The following MAP4K3 variants were observed in gnomAD, a reference collection of about 807,000 sequenced individuals.
The protein encoded by MAP4K3 is MAPK/ERK kinase kinase kinase 3.
A neutral mutation model predicts 143.5 loss-of-function variants in MAP4K3; 94 were observed. The ratio of observed to expected loss-of-function variants is 0.65; its 90% CI spans 0.55 to 0.78. The LOEUF is 0.78. Ranked by LOEUF, MAP4K3 falls within the 30% of genes least tolerant of loss-of-function variation. The pLI is 0.00. For missense variants in MAP4K3, 1,077 were observed against 1,068.1 expected, an observed-to-expected ratio of 1.01 and a Z score of -0.12; for synonymous variants, 416 against 347.2, an observed-to-expected ratio of 1.20 and a Z score of -2.20.
chr2:39,419,439 C>T (rs1196201498), intron 1 of MAP4K3, among the ~76,000 whole-genome samples: 2 of 152,152 alleles, frequency 1.3e-5, no homozygotes, highest in East Asian at 1.9e-4. Flanking sequence ...ATATTCTCTA[C>T]ATTTTAATTC....
chr2:39,399,178 G>A (rs1666889528), intron 1 of MAP4K3, among the ~76,000 whole-genome samples: 1 of 151,962 alleles, frequency 6.6e-6, no homozygotes, highest in Non-Finnish European at 1.5e-5. Context: ...GAAAACGTAT[G>A]TTGTACTATG....
At chr2:39,371,830 T>A (rs1269384947) in intron 2 of MAP4K3, among the ~76,000 whole-genome samples, 1 of 151,364 alleles carries the variant, frequency 6.6e-6, no homozygotes, top group Non-Finnish European at 1.5e-5. Context: ...TATATGTATA[T>A]ATATACGTAT....
chr2:39,431,613 C>G lies in MAP4K3; in HGVS notation c.96+5279G>C, dbSNP rs192199893. 1.4e-4 allele frequency among the ~76,000 whole-genome samples: 21 copies of G among 152,002 alleles called. 1 individual carries two copies. Among genetic ancestry groups the G allele is most frequent in the Non-Finnish European group, 2.4e-4 (16 of 68,006 alleles). ...ACTTTAAACGAAGAAGCAAGCCAAA[C>G]AGATATTGGTGGGGAGGGGTGGATT... is the stretch of plus-strand genomic sequence containing the variant. On this transcript the variant is annotated intron_variant, in intron 1 of 33. Transcript: ENST00000263881.
chr2:39,261,590 G>C (rs1285161319), intron 28 of MAP4K3, among the ~76,000 whole-genome samples: 1 of 152,154 alleles, frequency 6.6e-6, no homozygotes, highest in Non-Finnish European at 1.5e-5. Flanking sequence ...ATTAATGCTG[G>C]AAGTAGGCAT....
At chr2:39,251,687 T>C (rs1476748425) in intron 33 of MAP4K3, 143 bp downstream of exon 33, 5 of 656,676 alleles carry the variant, frequency 7.6e-6, no homozygotes, top group East Asian at 5.5e-5. Context: ...GCTAACTTTC[T>C]GACCTGTGAA....
chr2:39,338,258 G>A (rs1054956004), intron 4 of MAP4K3, among the ~76,000 whole-genome samples: 1 of 152,082 alleles, frequency 6.6e-6, no homozygotes, highest in Non-Finnish European at 1.5e-5. Context: ...AAGAAACGAT[G>A]TCCAATAGGT....
chr2:39,289,390 C>T (rs1423299652), intron 19 of MAP4K3, among the ~76,000 whole-genome samples: 2 of 151,984 alleles, frequency 1.3e-5, no homozygotes, highest in Non-Finnish European at 2.9e-5. Flanking sequence ...ATTTGTAACA[C>T]TTTGATTTTA....
intron 1 of MAP4K3, among the ~76,000 whole-genome samples, chr2:39,411,189 C>T (rs1179195312): frequency 6.6e-6 from 1 of 152,134 alleles, no homozygotes; most frequent in Admixed American, 6.5e-5. Context: ...TTCTTCTTGG[C>T]GTCTATTTTT....
intron 18 of MAP4K3, among the ~76,000 whole-genome samples, chr2:39,291,319 T>A (rs1682037680): frequency 6.6e-6 from 1 of 152,158 alleles, no homozygotes; most frequent in South Asian, 2.1e-4. Context: ...ACTTTCTTGG[T>A]TCCAAGTACT....
intron 15 of MAP4K3, among the ~76,000 whole-genome samples, chr2:39,301,425 A>C (rs1682505254): frequency 6.6e-6 from 1 of 152,226 alleles, no homozygotes; most frequent in South Asian, 2.1e-4. Context: ...TGAATCCTTA[A>C]ACTGTAGTAT....
intron 15 of MAP4K3, 160 bp from the exon 16 acceptor site, chr2:39,299,961 T>C (rs1451611834): frequency 3.4e-5 from 12 of 355,660 alleles, no homozygotes; most frequent in Admixed American, 9.3e-5. Flanking sequence ...CACGAGTTCA[T>C]AGTCCTGATT....
chr2:39,411,425 TGTATG>T (rs1667229802), intron 1 of MAP4K3, among the ~76,000 whole-genome samples: 1 of 152,156 alleles, frequency 6.6e-6, no homozygotes, highest in South Asian at 2.1e-4. Flanking sequence ...GAAAGAATGG[TGTATG>T]GTTTCAGTGT....
chr2:39,418,769 C>T (rs58423878), intron 1 of MAP4K3, among the ~76,000 whole-genome samples: 2,235 of 151,766 alleles, frequency 0.015, 51 homozygotes, highest in African/African-American at 0.052. Flanking sequence ...AAACACTCTA[C>T]AAAACATTGA....
At chr2:39,390,115 TA>T (rs933664489) in intron 1 of MAP4K3, among the ~76,000 whole-genome samples, 25 of 152,178 alleles carry the variant, frequency 1.6e-4, no homozygotes, top group African/African-American at 6.0e-4. Context: ...TTGAGGATAC[TA>T]ACCCCATAAA....
Position 39,250,646 on chromosome 2 carries a change from A to C in MAP4K3, c.2657T>G (p.Ile886Ser). The change falls in exon 34 of 34, where the codon ATC becomes AGC. Residue 886 changes from isoleucine (I) to serine (S), a missense_variant. Transcript: ENST00000263881. ...GTAACTGTTTTCATGACCCGCCAGGATGTACAAATTGCTATTTGCTGTGGG... is the reference window on the plus strand; with the variant it reads ...GTAACTGTTTTCATGACCCGCCAGGCTGTACAAATTGCTATTTGCTGTGGG... The part of the protein sequence containing the change: ...DNPTANSNLY[I>S]LAGHENSY The C allele has an allele frequency of 6.2e-7, 1 of 1,613,882 alleles. No homozygotes were observed. Among genetic ancestry groups the C allele is most frequent in the Non-Finnish European group, 8.5e-7 (1 of 1,179,846 alleles).
chr2:39,325,812 C>G lies in MAP4K3; in HGVS notation c.726-1G>C. On this transcript the variant is annotated splice_acceptor_variant, in intron 10 of 33. Coordinates refer to ENST00000263881, the MANE Select transcript of MAP4K3 (RefSeq NM_003618.4). LOFTEE classifies it high-confidence loss of function. ...CACAAAGTGATGAAAACTATTTGAC[C>G]TAAGAAATTTAGAAAATTAGACTTT... 6.3e-7 allele frequency: 1 copy of G among 1,597,744 alleles called. No homozygotes were observed.
intron 1 of MAP4K3, among the ~76,000 whole-genome samples, chr2:39,420,809 C>T (rs541488838): frequency 6.6e-6 from 1 of 152,228 alleles, no homozygotes; most frequent in South Asian, 2.1e-4. Context: ...TTGACACTCC[C>T]ATCATTGAAG....
intron 6 of MAP4K3, among the ~76,000 whole-genome samples, chr2:39,336,318 T>C (rs995917737): frequency 2.6e-5 from 4 of 151,012 alleles, no homozygotes; most frequent in African/African-American, 9.7e-5. Flanking sequence ...ACTAAAAATA[T>C]GAAAATTAGC....
At chr2:39,318,449 G>GT (rs1274950637) in intron 12 of MAP4K3, among the ~76,000 whole-genome samples, 3 of 152,102 alleles carry the variant, frequency 2.0e-5, no homozygotes, top group Admixed American at 6.5e-5. Flanking sequence ...AATAAAAATG[G>GT]TAAGATTTTT....
Sources: allele counts gnomAD v4.1 joint callset (sites outside exome capture counted in the v4.1 genomes callset), GRCh38; gene constraint gnomAD v4.1.1; transcripts MANE v1.5; gene names NCBI Gene and HGNC (gene_info 2026-07-23, HGNC 2026-07-21).